Variants in BPIFB2 observed in about 807,000 individuals in gnomAD.
BPIFB2 encodes BPI fold-containing family B member 2.
BPIFB2 carries 39 observed loss-of-function variants against 50.1 expected under a neutral mutation model. That is an observed-to-expected ratio of 0.78 (90% confidence interval 0.60 to 1.02). The LOEUF is 1.02. Among genes scored for constraint, BPIFB2 ranks in the 50% least tolerant of loss-of-function variants. BPIFB2 has a pLI of 0.00. For synonymous variants in BPIFB2, 280 were observed against 256.3 expected, an observed-to-expected ratio of 1.09 and a Z score of -0.88; for missense variants, 574 against 585.8, an observed-to-expected ratio of 0.98 and a Z score of 0.21.
At chr20:33,008,735 A>T (rs745514889) in intron 2 of BPIFB2, 52 bp downstream of exon 2, 1 of 1,442,360 alleles carries the variant, frequency 6.9e-7, no homozygotes. Context: ...ATGCGTGTGC[A>T]ATCCTAAGTG....
chr20:33,020,250 G>A (rs547821509), intron 11 of BPIFB2, 78 bp from the exon 12 acceptor site: 2 of 1,397,794 alleles, frequency 1.4e-6, no homozygotes, highest in East Asian at 2.3e-5. Flanking sequence ...ATGAGTCGGG[G>A]GATGGGTGGG....
intron 7 of BPIFB2, 53 bp from the exon 8 acceptor site, chr20:33,018,206 G>T: frequency 1.5e-6 from 2 of 1,315,886 alleles, no homozygotes; most frequent in Non-Finnish European, 2.2e-6. Context: ...ATGAAACGTT[G>T]GTGAGCAGTG....
chr20:33,021,173 C>T (rs1978651518), intron 13 of BPIFB2, 108 bp from the exon 14 acceptor site: 2 of 1,214,000 alleles, frequency 1.6e-6, no homozygotes, highest in African/African-American at 1.5e-5. Flanking sequence ...CTCTGCCATC[C>T]ATCTGTTGTC....
At chr20:33,015,294 G>A in intron 5 of BPIFB2, 142 bp from the exon 6 acceptor site, 1 of 645,410 alleles carries the variant, frequency 1.5e-6, no homozygotes. Flanking sequence ...CACTGTGTCT[G>A]GCAGATGGCA....
At position 33,020,397 on chromosome 20, in the gene BPIFB2, T is replaced by G. The variant is rs746081733; in HGVS notation, c.1148+2T>G. 1 of 1,613,820 alleles carries G rather than the reference T, an allele frequency of 6.2e-7. No individual in the cohort carries two copies. Among genetic ancestry groups the G allele is most frequent in the Non-Finnish European group, 8.5e-7 (1 of 1,179,868 alleles). On this transcript the variant is annotated splice_donor_variant, in intron 12 of 15. Coordinates refer to ENST00000170150, the MANE Select transcript of BPIFB2 (RefSeq NM_025227.3). LOFTEE classifies it high-confidence loss of function. ...TCAGGGGACCACGTCTGTGCTGGGG[T>G]AAACGAGCCCACCTGGACCCAGCAG...
Position 33,009,795 on chromosome 20 carries a change from G to GT in BPIFB2, c.109+1117dup. 6.6e-6 allele frequency among the ~76,000 whole-genome samples: 1 copy of GT among 152,376 alleles called. No individual in the cohort carries two copies. Among genetic ancestry groups the GT allele is most frequent in the East Asian group, 1.9e-4 (1 of 5,186 alleles). On this transcript the variant is annotated intron_variant, in intron 2 of 15. Coordinates refer to ENST00000170150, the MANE Select transcript of BPIFB2 (RefSeq NM_025227.3). This position sits in a 1 kb window ranked among gnomAD's most constrained non-coding sequence, Gnocchi z 4.2. The stretch of plus-strand genomic sequence containing the variant: ...CTCCCCAGCTTGCCTGCCTGTGTTT[G>GT]TTTTTGGCAGAAATCTGGCTGGAGG...
rs140702949 is a variant in BPIFB2, at chr20:33,008,932, C to T, written c.109+249C>T. ...TGTGCACATGTGACTTGCTCACATG[C>T]TTTGGTGATGTGGGCATAGGTCGGT... On this transcript the variant is annotated intron_variant, in intron 2 of 15. Coordinates refer to ENST00000170150, the MANE Select transcript of BPIFB2 (RefSeq NM_025227.3). 4.1e-3 allele frequency among the ~76,000 whole-genome samples: 627 copies of T among 152,270 alleles called. 8 individuals carry two copies. The highest frequency in any genetic ancestry group is 0.014 in the African/African-American group (602 of 41,542).
intron 15 of BPIFB2, 65 bp from the exon 16 acceptor site, chr20:33,023,277 A>AG (rs976936649): frequency 1.3e-6 from 2 of 1,508,710 alleles, no homozygotes; most frequent in Non-Finnish European, 1.8e-6. Context: ...AGCCAGGCTG[A>AG]GGGGGCGGCT....
rs1173340359 is a variant in BPIFB2 at position 33,019,747 on chromosome 20, T to C, written c.1077T>C (p.Asp359=). The change falls in exon 11 of 16, where the codon GAT becomes GAC. Residue 359 remains aspartate (D), a synonymous_variant. Transcript: ENST00000170150. ...CTTTCCAGTCCCTCTTCTCCCTGGA[T>C]GTGGTGAGTGCGGTGGGGCTGGTCG... ...NSAFQSLFSL[D]VVVNLRLQLS... 1 of 1,603,190 alleles carries C rather than the reference T, an allele frequency of 6.2e-7. No homozygotes were observed. Among genetic ancestry groups the C allele is most frequent in the Non-Finnish European group, 8.5e-7 (1 of 1,173,818 alleles).
At chr20:33,021,150 C>A (rs1233158098) in intron 13 of BPIFB2, 131 bp from the exon 14 acceptor site, 4 of 994,384 alleles carry the variant, frequency 4.0e-6, no homozygotes, top group Non-Finnish European at 4.6e-6. Context: ...TGCCTTCCTC[C>A]CTGTGCCTCA....
rs1978656752 is a variant in BPIFB2 at position 33,021,268 on chromosome 20, TCCGTG to T, written c.1195-12_1195-8del. 1.2e-6 allele frequency: 2 copies of T among 1,613,848 alleles called. No homozygotes were observed. The highest frequency in any genetic ancestry group is 1.7e-6 in the Non-Finnish European group (2 of 1,179,942). On this transcript the variant is annotated splice_region_variant and splice_polypyrimidine_tract_variant and intron_variant, in intron 13 of 15. Coordinates refer to ENST00000170150, the MANE Select transcript of BPIFB2 (RefSeq NM_025227.3). ...GCTGGGACGGGCCCATCTCCCTGGC[TCCGTG>T]GCCACAGACAGATCAGGTGCGCACA...
At position 33,018,593 on chromosome 20, in the gene BPIFB2, A is replaced by T. The variant is rs146974702; in HGVS notation, c.670-44A>T. On this transcript the variant is annotated intron_variant, in intron 8 of 15. Transcript: ENST00000170150. ...CTGCCATGGAGCCACCTCCGTGCTG[A>T]GGCCCTGCTGCTTTTCTCCCACTTC... 2,213 of 1,551,982 alleles carry T rather than the reference A, an allele frequency of 1.4e-3. 27 individuals carry two copies. In the African/African-American group the frequency reaches 0.026, roughly 18 times the overall value.
chr20:33,017,139 C>T (rs1978461452), intron 7 of BPIFB2, 37 bp downstream of exon 7: 7 of 1,593,838 alleles, frequency 4.4e-6, no homozygotes, highest in Non-Finnish European at 6.0e-6. Context: ...GCTGGGGCCT[C>T]TGGGACCCCC....
In BPIFB2 at chr20:33,015,599, T is replaced by TAA. The variant is rs35897534; in HGVS notation, c.516+116_516+117dup. 2,292 of 766,530 alleles carry TAA rather than the reference T, an allele frequency of 3.0e-3. 10 individuals carry two copies. Among genetic ancestry groups the TAA allele is most frequent in the African/African-American group, 0.029 (1,465 of 49,760 alleles). The allele number at this position is 766,530 out of a possible 1,614,324, so 47.5% of individuals were successfully genotyped here. ...AGGCAGGGGGTACTTTGCTTGGGAT[T>TAA]AAAAAAAAAAAAAAGACGCCCCTTC... On this transcript the variant is annotated intron_variant, in intron 6 of 15. Coordinates refer to ENST00000170150, the MANE Select transcript of BPIFB2 (RefSeq NM_025227.3).
At chr20:33,021,117 T>C (rs35760791) in intron 13 of BPIFB2, among the ~76,000 whole-genome samples, 164 bp from the exon 14 acceptor site, 2,891 of 152,298 alleles carry the variant, frequency 0.019, 197 homozygotes, top group Admixed American at 0.12. Context: ...TGGGCCCCAC[T>C]TGAACCCAGG....
chr20:33,012,982 G>A (rs1990310309), intron 4 of BPIFB2, 75 bp downstream of exon 4: 20 of 1,244,886 alleles, frequency 1.6e-5, no homozygotes, highest in Non-Finnish European at 2.2e-5. Context: ...GGGACGGGGG[G>A]TAGCAACTCC....
intron 14 of BPIFB2, 114 bp from the exon 15 acceptor site, chr20:33,021,609 C>G: frequency 8.7e-7 from 1 of 1,143,204 alleles, no homozygotes; most frequent in Non-Finnish European, 1.3e-6. Context: ...AGGGGTATAA[C>G]AATAATGGCA....
At chr20:33,021,094 A>G (rs1978648676) in intron 13 of BPIFB2, among the ~76,000 whole-genome samples, 187 bp from the exon 14 acceptor site, 1 of 152,130 alleles carries the variant, frequency 6.6e-6, no homozygotes, top group Non-Finnish European at 1.5e-5. Context: ...TGAGCCAACC[A>G]TGGGGGTATT....
rs375053033 is a variant in BPIFB2 at position 33,019,719 on chromosome 20, C to A, written c.1049C>A (p.Ser350Ter). The change falls in exon 11 of 16, where the codon TCG becomes TAG. Residue 350 changes from serine to a stop codon, truncating the protein, a stop_gained. Coordinates refer to ENST00000170150, the MANE Select transcript of BPIFB2 (RefSeq NM_025227.3). LOFTEE classifies it high-confidence loss of function. ...FVEVLATASNSAFQSLFSLDV... is the reference protein window; with the variant it reads ...FVEVLATASN ...GAGGTCCTGGCCACAGCCTCCAACT[C>A]GGCTTTCCAGTCCCTCTTCTCCCTG... 6 of 1,610,256 alleles carry A rather than the reference C, an allele frequency of 3.7e-6. No homozygotes were observed. Among genetic ancestry groups the A allele is most frequent in the African/African-American group, 1.3e-5 (1 of 74,896 alleles).
Sources: gnomAD v4.1 joint callset for allele counts (sites outside exome capture counted in the v4.1 genomes callset) on GRCh38, gnomAD v4.1.1 for gene constraint, Gnocchi (gnomAD v3.1) non-coding constraint, MANE v1.5 for transcripts, NCBI Gene and HGNC (gene_info 2026-07-23, HGNC 2026-07-21) for gene names.